RAB3C: variants seen among roughly 807,000 people sequenced by gnomAD.
The protein encoded by RAB3C is ras-related protein Rab-3C.
A neutral mutation model predicts 26.4 loss-of-function variants in RAB3C; 17 were observed. The ratio of observed to expected loss-of-function variants is 0.64; its 90% confidence interval spans 0.44 to 0.97. The LOEUF (loss-of-function observed/expected upper bound fraction) is 0.97, where lower values mean the gene tolerates loss of function less well. Ranked by LOEUF, RAB3C falls within the 50% of genes least tolerant of loss-of-function variation. RAB3C has a pLI of 0.00. For synonymous variants in RAB3C, 91 were observed against 95.9 expected, an observed-to-expected ratio of 0.95 and a Z score of 0.30; for missense variants, 242 against 281.9, an observed-to-expected ratio of 0.86 and a Z score of 1.01.
At chr5:58,788,332 C>G (rs1182702960) in intron 3 of RAB3C, 1 of 152,214 alleles carries the variant, frequency 6.6e-6, no homozygotes, top group Admixed American at 6.5e-5. Flanking sequence ...GGCTGAAAGC[C>G]CCAGCTGCAC....
intron 3 of RAB3C, among the ~76,000 whole-genome samples, chr5:58,779,362 A>T (rs1005773268): frequency 2.2e-4 from 32 of 148,046 alleles, no homozygotes; most frequent in South Asian, 1.7e-3. Flanking sequence ...AATATGATTT[A>T]TATATATATA....
chr5:58,740,058 T>C (rs978200702), intron 3 of RAB3C, among the ~76,000 whole-genome samples: 39 of 152,220 alleles, frequency 2.6e-4, no homozygotes, highest in African/African-American at 9.2e-4. Context: ...TGGTTTTTGT[T>C]GCCTCCTGGT....
chr5:58,797,374 T>TA (rs1222149883), intron 3 of RAB3C, among the ~76,000 whole-genome samples: 1 of 103,748 alleles, frequency 9.6e-6, no homozygotes, highest in Non-Finnish European at 1.9e-5. Context: ...ATATAATATA[T>TA]ATATATATAT....
At position 58,747,400 on chromosome 5, in the gene RAB3C, T is replaced by G. The variant is rs375835765; in HGVS notation, c.371+21280T>G. 1.1e-4 allele frequency among the ~76,000 whole-genome samples: 17 copies of G among 152,328 alleles called. 1 individual carries two copies. The South Asian group carries it at 3.5e-3, about 32-fold the overall frequency. ...CTGAGTGTCCTCTATTTTATTTGGT[T>G]ATCCTACTTTTTAGGATGTACGCAA... On this transcript the variant is annotated intron_variant, in intron 3 of 4. Coordinates refer to ENST00000282878, the MANE Select transcript of RAB3C (RefSeq NM_138453.4).
intron 2 of RAB3C, among the ~76,000 whole-genome samples, chr5:58,721,248 C>CAA (rs61668251): frequency 0.052 from 5,567 of 106,452 alleles, 328 homozygotes; most frequent in African/African-American, 0.16. Context: ...ATTTTTTTTT[C>CAA]AAAAAAAAAA....
chr5:58,774,955 T>C (rs1742096181), intron 3 of RAB3C, among the ~76,000 whole-genome samples: 1 of 152,090 alleles, frequency 6.6e-6, no homozygotes, highest in Non-Finnish European at 1.5e-5. Context: ...TGGCTTTTGC[T>C]CTGGGGAAAA....
At chr5:58,721,236 T>C (rs1007068401) in intron 2 of RAB3C, among the ~76,000 whole-genome samples, 12 of 127,006 alleles carry the variant, frequency 9.4e-5, no homozygotes, top group Admixed American at 8.4e-4. Context: ...CTAACTGAAA[T>C]AATTTTTTTT....
chr5:58,664,338 G>T (rs1221094617), intron 2 of RAB3C, among the ~76,000 whole-genome samples: 2 of 152,150 alleles, frequency 1.3e-5, no homozygotes, highest in African/African-American at 4.8e-5. Context: ...TGAATCTTCA[G>T]GGAATTATGC....
At chr5:58,706,735 A>G (rs1345205142) in intron 2 of RAB3C, among the ~76,000 whole-genome samples, 1 of 152,164 alleles carries the variant, frequency 6.6e-6, no homozygotes, top group African/African-American at 2.4e-5. Flanking sequence ...AACATCCTTA[A>G]TGTTGTTCAT....
intron 2 of RAB3C, among the ~76,000 whole-genome samples, chr5:58,698,202 A>G (rs1457270972): frequency 6.6e-6 from 1 of 152,184 alleles, no homozygotes; most frequent in Non-Finnish European, 1.5e-5. Flanking sequence ...TTGGCTGGAT[A>G]TGAAATTCTG....
intron 2 of RAB3C, among the ~76,000 whole-genome samples, chr5:58,635,528 C>T (rs551389937): frequency 2.8e-4 from 43 of 152,252 alleles, no homozygotes; most frequent in African/African-American, 8.4e-4. Flanking sequence ...TTTAGCCAGA[C>T]GGAGAATTGT....
At chr5:58,810,273 A>G (rs1271827413) in intron 3 of RAB3C, among the ~76,000 whole-genome samples, 2 of 152,162 alleles carry the variant, frequency 1.3e-5, no homozygotes, top group Non-Finnish European at 2.9e-5. Flanking sequence ...AGGGCAAGAA[A>G]CATATTCAAG....
intron 3 of RAB3C, among the ~76,000 whole-genome samples, chr5:58,751,572 G>A (rs1269060319): frequency 1.3e-5 from 2 of 152,176 alleles, no homozygotes; most frequent in African/African-American, 2.4e-5. Flanking sequence ...AGACTGGCAG[G>A]ATAACATCTG....
chr5:58,665,892 G>A (rs1292145981), intron 2 of RAB3C, among the ~76,000 whole-genome samples: 1 of 152,178 alleles, frequency 6.6e-6, no homozygotes, highest in Non-Finnish European at 1.5e-5. Context: ...GAAACTCAAT[G>A]AAGTCATGGA....
chr5:58,717,789 C>G (rs923622497), intron 2 of RAB3C, among the ~76,000 whole-genome samples: 1 of 152,078 alleles, frequency 6.6e-6, no homozygotes, highest in African/African-American at 2.4e-5. Context: ...CCACTGCCTC[C>G]CCTTCCTCAA....
chr5:58,655,192 T>C (rs889427697), intron 2 of RAB3C, among the ~76,000 whole-genome samples: 1 of 152,138 alleles, frequency 6.6e-6, no homozygotes, highest in African/African-American at 2.4e-5. Flanking sequence ...ATAATTAAGA[T>C]AGCAAGATAC....
At chr5:58,697,821 G>C (rs530182666) in intron 2 of RAB3C, among the ~76,000 whole-genome samples, 1 of 152,210 alleles carries the variant, frequency 6.6e-6, no homozygotes, top group Admixed American at 6.5e-5. Flanking sequence ...GTGCGTCTTT[G>C]CACATGAGAT....
Position 58,851,398 on chromosome 5 carries a change from A to G in RAB3C, c.*47A>G. On this transcript the variant is annotated 3_prime_UTR_variant, in exon 5 of 5. Transcript: ENST00000282878. Reference sequence around the variant, plus strand: ...CTCCAGGGGGCTCTGGTTGCCAACAAACAGCATTTGTAAATGGTCTATTAG... The same window carrying G: ...CTCCAGGGGGCTCTGGTTGCCAACAGACAGCATTTGTAAATGGTCTATTAG... 1 of 1,465,584 alleles carries G rather than the reference A, an allele frequency of 6.8e-7. No individual in the cohort carries two copies. The allele number at this position is 1,465,584 out of a possible 1,614,324, so 90.8% of individuals were successfully genotyped here.
At chr5:58,627,758 T>A (rs186732461) in intron 2 of RAB3C, among the ~76,000 whole-genome samples, 1 of 152,352 alleles carries the variant, frequency 6.6e-6, no homozygotes, top group East Asian at 1.9e-4. Flanking sequence ...CATCACTTGA[T>A]ACAAATCACT....
Sources: allele counts gnomAD v4.1 joint callset (sites outside exome capture counted in the v4.1 genomes callset), GRCh38; gene constraint gnomAD v4.1.1; transcripts MANE v1.5; gene names NCBI Gene and HGNC (gene_info 2026-07-23, HGNC 2026-07-21).